Variants in SLC5A4 observed in about 807,000 individuals in gnomAD.
SLC5A4 encodes solute carrier family 5 member 4, also known as probable glucose sensor protein SLC5A4.
In SLC5A4, 55 loss-of-function variants were observed where a neutral mutation model predicts 70.3. The observed-to-expected ratio is 0.78, with a 90% CI of 0.63 to 0.98. SLC5A4 has a LOEUF of 0.98. SLC5A4 is among the 50% of genes least tolerant of loss of function. SLC5A4 has a pLI of 0.00. For synonymous variants in SLC5A4, 268 were observed against 305.7 expected, an observed-to-expected ratio of 0.88 and a Z score of 1.29; for missense variants, 735 against 839.2, an observed-to-expected ratio of 0.88 and a Z score of 1.53.
At chr22:32,321,556 C>T in the SLC5A4 span, among the ~76,000 whole-genome samples, 3 of 152,208 alleles carry the variant, frequency 2.0e-5, no homozygotes, top group Admixed American at 6.5e-5. Flanking sequence ...CAGATTATTT[C>T]ATCACCCAGA....
rs1172167068 is a variant in SLC5A4, at chr22:32,247,461, C to A, written c.427G>T (p.Val143Phe). The A allele has an allele frequency of 6.3e-7, 1 of 1,587,474 alleles. No homozygotes were observed. The highest frequency in any genetic ancestry group is 8.6e-7 in the Non-Finnish European group (1 of 1,156,840). Reference sequence around the variant, plus strand: ...AAGAGGGAGAGGATGGAGAGGTAGACCTGGAGTCGCTCCCCACCAAACCGC... The same window carrying A: ...AAGAGGGAGAGGATGGAGAGGTAGAACTGGAGTCGCTCCCCACCAAACCGC... ...KKRFGGERLQ[V>F]YLSILSLFIC... Residue 143 changes from valine to phenylalanine, a missense_variant, in exon 5 of 15, where the codon GTC becomes TTC. Transcript: ENST00000266086.
At chr22:32,327,392 C>CA in the SLC5A4 span, 1 of 152,306 alleles carries the variant, frequency 6.6e-6, no homozygotes, top group Non-Finnish European at 1.5e-5. Context: ...CCTGCCTTGT[C>CA]AAAGCCCTGG....
the SLC5A4 span, among the ~76,000 whole-genome samples, chr22:32,281,140 C>T: frequency 3.3e-5 from 5 of 152,248 alleles, no homozygotes; most frequent in South Asian, 4.1e-4. Context: ...GTCCCTGCCT[C>T]TCAGGCTCAT....
At chr22:32,282,461 C>G in the SLC5A4 span, among the ~76,000 whole-genome samples, 1 of 152,188 alleles carries the variant, frequency 6.6e-6, no homozygotes, top group Non-Finnish European at 1.5e-5. Context: ...CTTGCTGGCT[C>G]TTTTTTGTGA....
chr22:32,332,260 A>G, the SLC5A4 span, among the ~76,000 whole-genome samples: 6 of 152,316 alleles, frequency 3.9e-5, no homozygotes, highest in East Asian at 1.2e-3. Flanking sequence ...GGCCCTGCAC[A>G]GTCAGACCTA....
chr22:32,249,353 G>A (rs1049877384), intron 3 of SLC5A4, among the ~76,000 whole-genome samples: 1 of 152,142 alleles, frequency 6.6e-6, no homozygotes. Flanking sequence ...GATTAAGGGG[G>A]CCCAAGGTCA....
rs1381644918 is a variant in SLC5A4 at position 32,218,595 on chromosome 22, CCTCTCAGACGTGT to C, written c.1886_1898del (p.Asp629GlyfsTer7). 6.2e-7 allele frequency: 1 copy of C among 1,613,766 alleles called. No individual in the cohort carries two copies. The highest frequency in any genetic ancestry group is 1.3e-5 in the African/African-American group (1 of 74,824). On this transcript the variant is annotated frameshift_variant, in exon 15 of 15. Coordinates refer to ENST00000266086, the MANE Select transcript of SLC5A4 (RefSeq NM_014227.3). LOFTEE classifies it low-confidence loss of function (END_TRUNC). Reference sequence around the variant, plus strand: ...TGTTCACTATTGTCCTCCACGAGGGCCTCTCAGACGTGTCTGTGAGCTTCTTGCTCAAGGCTTC... The same window carrying C: ...TGTTCACTATTGTCCTCCACGAGGGCCTGTGAGCTTCTTGCTCAAGGCTTC...
At chr22:32,330,812 T>TG in the SLC5A4 span, among the ~76,000 whole-genome samples, 1 of 30,060 alleles carries the variant, frequency 3.3e-5, no homozygotes, top group Non-Finnish European at 6.5e-5. Context: ...TGGTGTGTGT[T>TG]TTGGGAGGCT....
At chr22:32,241,803 G>GTGTATA (rs1474263077) in intron 5 of SLC5A4, among the ~76,000 whole-genome samples, 5 of 148,030 alleles carry the variant, frequency 3.4e-5, no homozygotes, top group African/African-American at 5.1e-5. Flanking sequence ...GTGTGTGTGT[G>GTGTATA]TATATATATC....
chr22:32,313,947 C>T, the SLC5A4 span, among the ~76,000 whole-genome samples: 46 of 152,324 alleles, frequency 3.0e-4, no homozygotes, highest in Middle Eastern at 3.4e-3. Flanking sequence ...CCACTGCAGT[C>T]AAATTTCCTT....
At chr22:32,279,379 A>G in the SLC5A4 span, among the ~76,000 whole-genome samples, 4 of 152,260 alleles carry the variant, frequency 2.6e-5, no homozygotes, top group African/African-American at 9.6e-5. Flanking sequence ...GTTGACATCA[A>G]TGAAAGAAGT....
the SLC5A4 span, among the ~76,000 whole-genome samples, chr22:32,279,513 G>A: frequency 6.6e-6 from 1 of 151,912 alleles, no homozygotes; most frequent in Non-Finnish European, 1.5e-5. Context: ...GTGTAGGGCC[G>A]GATGTGGTGG....
At chr22:32,336,930 A>G in the SLC5A4 span, among the ~76,000 whole-genome samples, 1 of 152,220 alleles carries the variant, frequency 6.6e-6, no homozygotes, top group Admixed American at 6.5e-5. Flanking sequence ...TGAATAAATG[A>G]GTAAATTAAT....
At chr22:32,354,721 T>C in the SLC5A4 span, among the ~76,000 whole-genome samples, 1 of 151,926 alleles carries the variant, frequency 6.6e-6, no homozygotes, top group African/African-American at 2.4e-5. Context: ...AGGCCCCAGA[T>C]ACCACATCCA....
the SLC5A4 span, among the ~76,000 whole-genome samples, chr22:32,331,457 T>C: frequency 6.6e-6 from 1 of 152,070 alleles, no homozygotes; most frequent in Non-Finnish European, 1.5e-5. Flanking sequence ...AAAATAAAGA[T>C]CCTGCTTGAG....
At chr22:32,318,632 T>C in the SLC5A4 span, among the ~76,000 whole-genome samples, 1 of 152,258 alleles carries the variant, frequency 6.6e-6, no homozygotes, top group Non-Finnish European at 1.5e-5. Flanking sequence ...CCTACTGTGG[T>C]CCACACTAGC....
the SLC5A4 span, among the ~76,000 whole-genome samples, chr22:32,294,671 CTTTTT>C: frequency 1.3e-5 from 2 of 148,704 alleles, no homozygotes; most frequent in Admixed American, 1.3e-4. Context: ...TTGGCTTTTT[CTTTTT>C]ATTATACTTT....
chr22:32,309,908 G>T, the SLC5A4 span, among the ~76,000 whole-genome samples: 1 of 151,888 alleles, frequency 6.6e-6, no homozygotes, highest in African/African-American at 2.4e-5. Context: ...GCTGGGTCTC[G>T]GTGATCTCTG....
At chr22:32,251,150 A>AAT (rs1927124136) in intron 3 of SLC5A4, among the ~76,000 whole-genome samples, 1 of 67,596 alleles carries the variant, frequency 1.5e-5, no homozygotes, top group Non-Finnish European at 2.9e-5. Context: ...ACAAATAAGC[A>AAT]AAAAAAAAAA....
Sources: allele counts gnomAD v4.1 joint callset (sites outside exome capture counted in the v4.1 genomes callset), GRCh38; gene constraint gnomAD v4.1.1; transcripts MANE v1.5; gene names NCBI Gene and HGNC (gene_info 2026-07-23, HGNC 2026-07-21).